AFF2: variants seen among roughly 807,000 people sequenced by gnomAD.
AFF2 encodes AF4/FMR2 family member 2.
AFF2 carries 14 observed loss-of-function variants against 76.9 expected under a neutral mutation model. The observed-to-expected ratio is 0.18, with a 90% CI of 0.12 to 0.28. The LOEUF is 0.28. Ranked by LOEUF, AFF2 falls within the 10% of genes least tolerant of loss-of-function variation. The probability of loss-of-function intolerance (pLI) is 1.00; values close to 1 mark genes in which losing one functional copy is unlikely to be tolerated. For synonymous variants in AFF2, 398 were observed against 366.7 expected (o/e 1.09, Z -0.98); for missense variants, 868 against 1,001.1 (o/e 0.87, Z 1.79).
chrX:148,969,438 C>G (rs1279188523), intron 15 of AFF2, among the ~76,000 whole-genome samples: 1 of 112,113 alleles, frequency 8.9e-6, no homozygotes, highest in Non-Finnish European at 1.9e-5. Flanking sequence ...AGATTGGTTC[C>G]AGGACCCCCT....
chrX:148,748,750 A>G (rs1557266266), intron 3 of AFF2, among the ~76,000 whole-genome samples: 1 of 111,773 alleles, frequency 8.9e-6, no homozygotes, highest in African/African-American at 3.3e-5. Context: ...AATGGTTGGC[A>G]TTCCTGAAAA....
chrX:148,628,889 A>AT (rs782708112), intron 1 of AFF2, among the ~76,000 whole-genome samples: 4 of 111,547 alleles, frequency 3.6e-5, no homozygotes, highest in Non-Finnish European at 7.5e-5. Flanking sequence ...TGACTCTAAC[A>AT]TTTTTTTTAT....
At chrX:148,891,520 T>C (rs1557279740) in intron 8 of AFF2, among the ~76,000 whole-genome samples, 11 of 112,083 alleles carry the variant, frequency 9.8e-5, no homozygotes. Context: ...GTCTTTAAAG[T>C]TTTAAACTAT....
chrX:148,519,834 A>G (rs1557234282), intron 1 of AFF2, among the ~76,000 whole-genome samples: 1 of 111,900 alleles, frequency 8.9e-6, no homozygotes, highest in African/African-American at 3.2e-5. Context: ...CACTCCATAT[A>G]TACAAATAAC....
chrX:148,971,878 G>A (rs12381810), intron 15 of AFF2, among the ~76,000 whole-genome samples: 2 of 32,254 alleles, frequency 6.2e-5, no homozygotes, highest in South Asian at 3.6e-3. Context: ...ACCCACTAAC[G>A]TGTCATCTAG....
intron 8 of AFF2, among the ~76,000 whole-genome samples, chrX:148,893,911 G>T (rs781796224): frequency 1.8e-5 from 2 of 111,559 alleles, no homozygotes; most frequent in Non-Finnish European, 3.8e-5. Context: ...GAAGTGACTG[G>T]ACATCACTGG....
chrX:148,704,440 A>ATATATATTTATATATGTGTG (rs2054853398), intron 3 of AFF2, among the ~76,000 whole-genome samples: 1 of 4,721 alleles, frequency 2.1e-4, no homozygotes, highest in African/African-American at 8.0e-4. Flanking sequence ...ATATATGTGT[A>ATATATATTTATATATGTGTG]TATATATATT....
chrX:148,878,295 G>C (rs1469551396), intron 7 of AFF2, among the ~76,000 whole-genome samples: 1 of 111,867 alleles, frequency 8.9e-6, no homozygotes, highest in Non-Finnish European at 1.9e-5. Context: ...AGACAACCTT[G>C]AATGTTAGGA....
chrX:148,680,531 T>C (rs2054535717), intron 3 of AFF2, among the ~76,000 whole-genome samples: 1 of 110,987 alleles, frequency 9.0e-6, no homozygotes, highest in Non-Finnish European at 1.9e-5. Context: ...TAACAACCAG[T>C]CACTAAATTA....
chrX:148,671,275 A>G (rs781876692), intron 3 of AFF2, among the ~76,000 whole-genome samples: 4 of 112,361 alleles, frequency 3.6e-5, no homozygotes, highest in South Asian at 7.4e-4. Context: ...TGTCATCATT[A>G]TTAATAATGA....
intron 1 of AFF2, among the ~76,000 whole-genome samples, chrX:148,502,055 A>AT (rs1557231953): frequency 1.8e-5 from 2 of 111,909 alleles, no homozygotes; most frequent in African/African-American, 6.5e-5. Context: ...ACTGATATAC[A>AT]TATCTATTAA....
chrX:148,687,050 T>C (rs941390374), intron 3 of AFF2, among the ~76,000 whole-genome samples: 3 of 111,935 alleles, frequency 2.7e-5, no homozygotes, highest in African/African-American at 6.5e-5. Flanking sequence ...ATAGTCTCTA[T>C]AGATACTTTA....
intron 3 of AFF2, among the ~76,000 whole-genome samples, chrX:148,728,502 A>G (rs781845036): frequency 2.7e-5 from 3 of 112,320 alleles, no homozygotes; most frequent in Admixed American, 1.9e-4. Flanking sequence ...AGGATACTCT[A>G]TTTTCATTTT....
At chrX:148,596,111 A>G (rs1028727620) in intron 1 of AFF2, among the ~76,000 whole-genome samples, 5 of 111,802 alleles carry the variant, frequency 4.5e-5, no homozygotes, top group African/African-American at 1.3e-4. Context: ...AAATACAACA[A>G]TGAAAACTGC....
chrX:148,624,179 G>T (rs1195782024), intron 1 of AFF2, among the ~76,000 whole-genome samples: 1 of 111,394 alleles, frequency 9.0e-6, no homozygotes, highest in Admixed American at 9.6e-5. Context: ...CTTTGAATCA[G>T]CAGAGGTTTT....
chrX:148,685,675 A>G (rs1468981605), intron 3 of AFF2, among the ~76,000 whole-genome samples: 1 of 111,256 alleles, frequency 9.0e-6, no homozygotes, highest in East Asian at 2.8e-4. Context: ...TTAGGAGCCA[A>G]TGTTCATGTA....
chrX:148,848,471 C>T (rs1454213367), intron 7 of AFF2, among the ~76,000 whole-genome samples: 1 of 112,098 alleles, frequency 8.9e-6, no homozygotes, highest in Non-Finnish European at 1.9e-5. Flanking sequence ...GGAAATGTTT[C>T]CTTCGAGATT....
At chrX:148,505,688 C>A (rs1310424202) in intron 1 of AFF2, among the ~76,000 whole-genome samples, 1 of 111,614 alleles carries the variant, frequency 9.0e-6, no homozygotes, top group Non-Finnish European at 1.9e-5. Context: ...TTCTCTGGAA[C>A]AATTTAGAGC....
chrX:148,738,237 C>T (rs187554907), intron 3 of AFF2, among the ~76,000 whole-genome samples: 5 of 111,114 alleles, frequency 4.5e-5, no homozygotes, highest in East Asian at 2.8e-4. Flanking sequence ...GCTGTGAATC[C>T]GTCTGGTCCT....
Sources: allele counts gnomAD v4.1 joint callset (sites outside exome capture counted in the v4.1 genomes callset), GRCh38; gene constraint gnomAD v4.1.1; transcripts MANE v1.5; gene names NCBI Gene and HGNC (gene_info 2026-07-23, HGNC 2026-07-21).